The following SMG1 variants were observed in gnomAD, a reference collection of about 807,000 sequenced individuals.
The protein encoded by SMG1 is SMG1 nonsense mediated mRNA decay associated PI3K related kinase, also known as serine/threonine-protein kinase SMG1.
In SMG1, 22 loss-of-function variants were observed where a neutral mutation model predicts 419.9. The ratio of observed to expected loss-of-function variants is 0.05; its 90% CI spans 0.04 to 0.07. The LOEUF is 0.07. SMG1 is among the 10% of genes least tolerant of loss of function. SMG1 has a pLI of 1.00. For synonymous variants in SMG1, 1,538 were observed against 1,553.5 expected (o/e 0.99, Z 0.23); for missense variants, 3,185 against 4,342.0 (o/e 0.73, Z 7.49).
At chr16:18,893,069 TC>T (rs2036955238) in intron 3 of SMG1, among the ~76,000 whole-genome samples, 1 of 152,168 alleles carries the variant, frequency 6.6e-6, no homozygotes, top group Admixed American at 6.6e-5. Context: ...AAAGTCTCAA[TC>T]AAGTAAAAAC....
Position 18,836,346 on chromosome 16 carries a change from A to G in SMG1, c.7777+14T>C, listed in dbSNP as rs534606924. On this transcript the variant is annotated intron_variant, in intron 47 of 62. Transcript: ENST00000446231. ...ATAGTTTCACATGTGAATCTAAAAT[A>G]AGTCAACCCATACCAAGGTCCATTT... is the stretch of plus-strand genomic sequence containing the variant. 1.1e-4 allele frequency: 184 copies of G among 1,610,286 alleles called. 3 individuals carry two copies. In the Middle Eastern group the frequency reaches 1.8e-3, roughly 16 times the overall value.
intron 55 of SMG1, among the ~76,000 whole-genome samples, chr16:18,822,423 G>A (rs1378800089): frequency 4.9e-4 from 30 of 61,466 alleles, no homozygotes; most frequent in Non-Finnish European, 7.2e-4. Context: ...ATCTTGAATT[G>A]ATTTTTGTAT....
intron 18 of SMG1, 150 bp from the exon 19 acceptor site, chr16:18,870,144 C>T (rs2035737492): frequency 1.7e-6 from 1 of 604,526 alleles, no homozygotes; most frequent in Non-Finnish European, 2.9e-6. Context: ...GTGATTACAA[C>T]TTTAGATCCT....
chr16:18,852,070 A>G lies in SMG1; in HGVS notation c.5049T>C (p.Ile1683=), dbSNP rs1322997936. Residue 1683 remains isoleucine, a synonymous_variant, in exon 33 of 63, where the codon ATT becomes ATC. Coordinates refer to ENST00000446231, the MANE Select transcript of SMG1 (RefSeq NM_015092.5). The stretch of plus-strand genomic sequence containing the variant: ...CCAAGCACCATGTTTTCCTTGCCTG[A>G]ATCCCCGCCGGCCGACACACAGCCT... ...LGQAVCRPAG[I]QDEDITLQIT... 6.2e-7 allele frequency: 1 copy of G among 1,605,478 alleles called. No individual in the cohort carries two copies. The highest frequency in any genetic ancestry group is 8.5e-7 in the Non-Finnish European group (1 of 1,177,102).
intron 1 of SMG1, chr16:18,925,167 C>A (rs144602271): frequency 1.3e-5 from 2 of 152,184 alleles, no homozygotes; most frequent in African/African-American, 4.8e-5. Context: ...AGACAGGAAA[C>A]TACATTTATT....
At chr16:18,819,210 A>G (rs576054436) in intron 56 of SMG1, among the ~76,000 whole-genome samples, 2 of 151,746 alleles carry the variant, frequency 1.3e-5, no homozygotes, top group Non-Finnish European at 3.0e-5. Context: ...TTAGTTGTAT[A>G]AAAGAGACCC....
At chr16:18,906,077 A>T (rs556233901) in intron 1 of SMG1, among the ~76,000 whole-genome samples, 6 of 152,184 alleles carry the variant, frequency 3.9e-5, no homozygotes, top group Non-Finnish European at 7.3e-5. Context: ...CAGGTCCTCC[A>T]GTGTTTACTT....
chr16:18,918,481 G>A (rs2038062794), intron 1 of SMG1, among the ~76,000 whole-genome samples: 1 of 152,104 alleles, frequency 6.6e-6, no homozygotes, highest in African/African-American at 2.4e-5. Flanking sequence ...AGTGAAAATT[G>A]TACAGACCAA....
At chr16:18,885,711 G>A in intron 6 of SMG1, 45 bp from the exon 7 acceptor site, 2 of 1,584,028 alleles carry the variant, frequency 1.3e-6, no homozygotes, top group Non-Finnish European at 1.7e-6. Flanking sequence ...AACAAAATAG[G>A]GAGAAAACAA....
intron 1 of SMG1, among the ~76,000 whole-genome samples, chr16:18,915,426 A>G (rs1291347246): frequency 6.6e-6 from 1 of 152,172 alleles, no homozygotes; most frequent in East Asian, 1.9e-4. Context: ...ATCCTACAAG[A>G]ACAGTGTTGT....
At chr16:18,869,635 C>T (rs2035705366) in intron 19 of SMG1, among the ~76,000 whole-genome samples, 4 of 151,422 alleles carry the variant, frequency 2.6e-5, no homozygotes, top group Admixed American at 2.6e-4. Flanking sequence ...TAACTGTTAA[C>T]CACATTTCAT....
chr16:18,918,697 C>T (rs1170213282), intron 1 of SMG1, among the ~76,000 whole-genome samples: 2 of 134,822 alleles, frequency 1.5e-5, no homozygotes, highest in Admixed American at 7.4e-5. Context: ...TACAGGCACC[C>T]ACCACTGCAT....
chr16:18,827,173 T>A (rs2141178733), intron 55 of SMG1, among the ~76,000 whole-genome samples: 1 of 152,150 alleles, frequency 6.6e-6, no homozygotes, highest in Admixed American at 6.5e-5. Flanking sequence ...AAGCCTGCAA[T>A]CCCAGTGTTT....
rs1225781531 is a variant in SMG1, at chr16:18,876,258, G to T, written c.1756C>A (p.Pro586Thr). Residue 586 changes from proline to threonine, a missense_variant, in exon 13 of 63, where the codon CCT becomes ACT. Physicochemically the swap from Pro to Thr is conservative, Grantham distance 38 (BLOSUM62 -1). Around this residue, in one of 27 missense-constraint regions of SMG1, gnomAD observed 297 missense variants for 491.0 expected, o/e 0.60. Coordinates refer to ENST00000446231, the MANE Select transcript of SMG1 (RefSeq NM_015092.5). ...LNNLLHSLQL[P>T]EACSEIKHEA... Reference sequence around the variant, plus strand: ...TGTTTTATTTCAGAACAGGCCTCAGGAAGTTGTAGACTGTGTAGGAGGTTG... The same window carrying T: ...TGTTTTATTTCAGAACAGGCCTCAGTAAGTTGTAGACTGTGTAGGAGGTTG... 28 of 1,611,618 alleles carry T rather than the reference G, an allele frequency of 1.7e-5. No individual in the cohort carries two copies. The highest frequency in any genetic ancestry group is 2.4e-5 in the Non-Finnish European group (28 of 1,179,698).
At chr16:18,857,153 A>G (rs2034959664) in intron 29 of SMG1, 1 of 152,248 alleles carries the variant, frequency 6.6e-6, no homozygotes, top group Non-Finnish European at 1.5e-5. Context: ...AGCTTCAAGT[A>G]ACCACTCTGC....
At chr16:18,888,980 G>A (rs549710770) in intron 6 of SMG1, among the ~76,000 whole-genome samples, 3 of 151,796 alleles carry the variant, frequency 2.0e-5, no homozygotes, top group Non-Finnish European at 2.9e-5. Context: ...CCACCACCAC[G>A]CCTGGCTAAT....
At chr16:18,915,678 G>A (rs2037941908) in intron 1 of SMG1, among the ~76,000 whole-genome samples, 1 of 152,122 alleles carries the variant, frequency 6.6e-6, no homozygotes, top group Admixed American at 6.5e-5. Flanking sequence ...AAACGTGGCA[G>A]GAATGGGTGT....
At chr16:18,901,930 G>A (rs1476216881) in intron 1 of SMG1, among the ~76,000 whole-genome samples, 4 of 128,514 alleles carry the variant, frequency 3.1e-5, no homozygotes, top group Non-Finnish European at 6.4e-5. Flanking sequence ...GGGCAACAGA[G>A]CAAGACTATC....
At chr16:18,851,175 GGA>G (rs1250365460) in intron 33 of SMG1, among the ~76,000 whole-genome samples, 1 of 152,222 alleles carries the variant, frequency 6.6e-6, no homozygotes, top group African/African-American at 2.4e-5. Context: ...ACCAGCTTAG[GGA>G]GAGACTTAGA....
Sources: gnomAD v4.1 joint callset for allele counts (sites outside exome capture counted in the v4.1 genomes callset) on GRCh38, gnomAD v4.1.1 for gene constraint, gnomAD v4.1.1 regional missense constraint, MANE v1.5 for transcripts, NCBI Gene and HGNC (gene_info 2026-07-23, HGNC 2026-07-21) for gene names.